Variants in MRPL27 observed in about 807,000 individuals in gnomAD.
MRPL27 encodes mitochondrial ribosomal protein L27.
A neutral mutation model predicts 14.6 loss-of-function variants in MRPL27; 4 were observed. That is an observed-to-expected ratio of 0.27 (90% CI 0.14 to 0.63). MRPL27 has a LOEUF of 0.63. Ranked by LOEUF, MRPL27 falls within the 20% of genes least tolerant of loss-of-function variation. The probability of loss-of-function intolerance (pLI) is 0.85; values close to 1 mark genes in which losing one functional copy is unlikely to be tolerated. For missense variants in MRPL27, 196 were observed against 192.8 expected (o/e 1.02, Z -0.10); for synonymous variants, 82 against 75.5 (o/e 1.09, Z -0.45).
At chr17:50,370,125 G>A (rs1276007802) in intron 2 of MRPL27, 26 bp from the exon 3 acceptor site, 1 of 1,588,030 alleles carries the variant, frequency 6.3e-7, no homozygotes, top group Non-Finnish European at 8.6e-7. Flanking sequence ...ACAGTGACTG[G>A]GGCAGCATAG....
chr17:50,368,526 C>T (rs1230437482), intron 3 of MRPL27: 2 of 603,474 alleles, frequency 3.3e-6, no homozygotes, highest in African/African-American at 3.7e-5. Context: ...ACATGGGCCA[C>T]TGCTCAGTCC....
Position 50,367,893 on chromosome 17 carries a change from C to A in MRPL27, c.*199G>T. On this transcript the variant is annotated 3_prime_UTR_variant, in exon 4 of 4. Transcript: ENST00000225969. ...GTCCCTAAATAGCATGCGTTCATGA[C>A]GCTGGCTCACTTTATTTTTGGCCCC... is the stretch of plus-strand genomic sequence containing the variant. 6.5e-6 allele frequency: 4 copies of A among 611,992 alleles called. No individual in the cohort carries two copies. Among genetic ancestry groups the A allele is most frequent in the Non-Finnish European group, 5.7e-6 (2 of 348,700 alleles). The allele number at this position is 611,992 out of a possible 1,614,324, so 37.9% of individuals were successfully genotyped here.
chr17:50,372,238 T>C (rs914261292), intron 1 of MRPL27, among the ~76,000 whole-genome samples: 9 of 142,224 alleles, frequency 6.3e-5, no homozygotes, highest in Non-Finnish European at 1.1e-4. Context: ...CTAGGTCTCC[T>C]GTCATTCTTT....
intron 1 of MRPL27, 115 bp from the exon 2 acceptor site, chr17:50,370,701 GAGC>G: frequency 2.1e-6 from 3 of 1,429,642 alleles, no homozygotes; most frequent in Non-Finnish European, 2.9e-6. Context: ...TGTGTCAGGG[GAGC>G]AGAAGTGCCA....
intron 2 of MRPL27, 85 bp from the exon 3 acceptor site, chr17:50,370,184 A>G: frequency 7.1e-7 from 1 of 1,411,136 alleles, no homozygotes; most frequent in Non-Finnish European, 9.7e-7. Flanking sequence ...ACCAACCTCC[A>G]AGCCTGCCCC....
intron 1 of MRPL27, 197 bp from the exon 2 acceptor site, chr17:50,370,783 G>T: frequency 1.7e-6 from 1 of 604,856 alleles, no homozygotes; most frequent in Non-Finnish European, 2.8e-6. Flanking sequence ...AGGGGGCGGG[G>T]GAGCAGTGAA....
At position 50,370,517 on chromosome 17, in the gene MRPL27, C is replaced by A; in HGVS notation, c.110G>T (p.Gly37Val). The A allele has an allele frequency of 6.2e-7, 1 of 1,614,190 alleles. No homozygotes were observed. Among genetic ancestry groups the A allele is most frequent in the Non-Finnish European group, 8.5e-7 (1 of 1,180,038 alleles). ...CTTTCCACCGAGGTTTTTGGAGCTA[C>A]CACCCGACTTCTTGGATGCGTATCT... Reference protein sequence around the residue: ...AVRYASKKSGGSSKNLGGKSS... With the variant: ...AVRYASKKSGVSSKNLGGKSS... Residue 37 changes from glycine (G) to valine (V), a missense_variant, in exon 2 of 4, where the codon GGT becomes GTT. Gly to Val is a moderately radical substitution (Grantham distance 109, BLOSUM62 -3). Coordinates refer to ENST00000225969, the MANE Select transcript of MRPL27 (RefSeq NM_016504.3).
chr17:50,370,680 G>A (rs1913105688), intron 1 of MRPL27, 94 bp from the exon 2 acceptor site: 2 of 1,534,814 alleles, frequency 1.3e-6, no homozygotes, highest in Non-Finnish European at 8.9e-7. Context: ...GCGGTGGGGA[G>A]ATGAGAAAGC....
chr17:50,370,534 T>C lies in MRPL27; in HGVS notation c.93A>G (p.Ala31=), dbSNP rs1913099910. The C allele has an allele frequency of 2.5e-6, 4 of 1,614,190 alleles. No individual in the cohort carries two copies. The highest frequency in any genetic ancestry group is 3.4e-6 in the Non-Finnish European group (4 of 1,180,028). ...TGGAGCTACCACCCGACTTCTTGGA[T>C]GCGTATCTGACAGCAAGAGCTGTAG... ...TPATALAVRY[A]SKKSGGSSKN... The change falls in exon 2 of 4, where the codon GCA becomes GCG. Residue 31 remains alanine (A), a synonymous_variant. Coordinates refer to ENST00000225969, the MANE Select transcript of MRPL27 (RefSeq NM_016504.3).
chr17:50,372,067 A>G (rs762402213), intron 1 of MRPL27, among the ~76,000 whole-genome samples: 2 of 152,106 alleles, frequency 1.3e-5, no homozygotes, highest in Non-Finnish European at 2.9e-5. Flanking sequence ...GCCACCACAA[A>G]CATCTTGGCT....
At chr17:50,373,007 ACCCCACACACTT>A in intron 1 of MRPL27, 112 bp downstream of exon 1, 2 of 1,365,368 alleles carry the variant, frequency 1.5e-6, no homozygotes, top group Non-Finnish European at 2.0e-6. Context: ...AACCTGGAGT[ACCCCACACACTT>A]CCCCTCGCAT....
intron 3 of MRPL27, chr17:50,368,809 T>C (rs1319009674): frequency 7.1e-6 from 5 of 701,182 alleles, no homozygotes; most frequent in Admixed American, 4.0e-5. Flanking sequence ...GTAAGCCCTT[T>C]AATACACATT....
Position 50,368,093 on chromosome 17 carries a change from CA to C in MRPL27, c.445del (p.Ter149AspfsTer19). The C allele has an allele frequency of 6.2e-7, 1 of 1,614,136 alleles. No homozygotes were observed. ...CTGTCCGATGGCCTCAACAGGACAT[CA>C]AAGCATAGCTACCAGTTTGAAGGTG... is the stretch of plus-strand genomic sequence containing the variant. Reference protein sequence around the residue: ...EGTFKLVAML* With the variant: ...EGTFKLVAMLX On this transcript the variant is annotated frameshift_variant and stop_lost, in exon 4 of 4. Coordinates refer to ENST00000225969, the MANE Select transcript of MRPL27 (RefSeq NM_016504.3). LOFTEE classifies it high-confidence loss of function.
At chr17:50,368,741 A>C in intron 3 of MRPL27, 3 of 651,520 alleles carry the variant, frequency 4.6e-6, no homozygotes, top group Non-Finnish European at 8.2e-6. Context: ...AACCAAAGCT[A>C]TATGGATAAT....
Position 50,368,438 on chromosome 17 carries a change from C to G in MRPL27, c.241-140G>C, listed in dbSNP as rs568454486. On this transcript the variant is annotated intron_variant, in intron 3 of 3. Coordinates refer to ENST00000225969, the MANE Select transcript of MRPL27 (RefSeq NM_016504.3). ...AGAGCTCCATCTCAGGTTCCCTTTC[C>G]CACTGGCTAGCACGTCCAAACCTTC... The G allele has an allele frequency of 4.9e-6, 4 of 824,072 alleles. No individual in the cohort carries two copies. The East Asian group carries it at 1.1e-4, about 22-fold the overall frequency. The allele number at this position is 824,072 out of a possible 1,614,324, so 51.0% of individuals were successfully genotyped here.
intron 1 of MRPL27, 104 bp downstream of exon 1, chr17:50,373,027 C>T: frequency 6.6e-7 from 1 of 1,506,692 alleles, no homozygotes; most frequent in Non-Finnish European, 9.1e-7. Context: ...CTTCCCCTCG[C>T]ATCCAAGGTC....
chr17:50,370,326 T>TC lies in MRPL27; in HGVS notation c.172+128dup, dbSNP rs1237148233. ...TGACCCTTCCTCAGGTCTTATCCGT[T>TC]CCTTTAAACTGGAGCCAATTATGAT... On this transcript the variant is annotated intron_variant, in intron 2 of 3. Transcript: ENST00000225969. 2.0e-6 allele frequency: 3 copies of TC among 1,464,426 alleles called. No individual in the cohort carries two copies. In the African/African-American group the frequency reaches 4.2e-5, roughly 20 times the overall value. 90.7% of individuals were successfully genotyped at this position (1,464,426 alleles called of 1,614,324 possible).
Position 50,368,264 on chromosome 17 carries a change from A to G in MRPL27, c.275T>C (p.Leu92Pro). The G allele has an allele frequency of 6.2e-7, 1 of 1,614,166 alleles. No homozygotes were observed. Among genetic ancestry groups the G allele is most frequent in the Non-Finnish European group, 8.5e-7 (1 of 1,180,010 alleles). ...GVGKNKCLYA[L>P]EEGIVRYTKE... is the part of the protein sequence containing the mutation. ...AGTGTAGCGGACTATCCCCTCTTCCAGGGCATACAGACATTTATTCTTCCC... is the reference window on the plus strand; with the variant it reads ...AGTGTAGCGGACTATCCCCTCTTCCGGGGCATACAGACATTTATTCTTCCC... The change falls in exon 4 of 4, where the codon CTG becomes CCG. Residue 92 changes from leucine (L) to proline (P), a missense_variant. By Grantham distance (98) the Leu-to-Pro change is moderately conservative. Coordinates refer to ENST00000225969, the MANE Select transcript of MRPL27 (RefSeq NM_016504.3).
chr17:50,371,642 CTA>C (rs1327532033), intron 1 of MRPL27, among the ~76,000 whole-genome samples: 2 of 152,124 alleles, frequency 1.3e-5, no homozygotes, highest in East Asian at 3.9e-4. Context: ...TCTCTGGAGC[CTA>C]TAAGTTCAGA....
Sources: gnomAD v4.1 joint callset for allele counts (sites outside exome capture counted in the v4.1 genomes callset) on GRCh38, gnomAD v4.1.1 for gene constraint, MANE v1.5 for transcripts, NCBI Gene and HGNC (gene_info 2026-07-23, HGNC 2026-07-21) for gene names.